The following LIPF variants were observed in gnomAD, a reference collection of about 807,000 sequenced individuals.
The protein encoded by LIPF is lipase F, gastric type.
Under a neutral mutation model 38.0 loss-of-function variants are expected in LIPF, and 25 were observed. That is an observed-to-expected ratio of 0.66 (90% CI 0.48 to 0.92). The LOEUF is 0.92. Among genes scored for constraint, LIPF ranks in the 40% least tolerant of loss-of-function variants. The pLI is 0.00. For synonymous variants in LIPF, 161 were observed against 156.2 expected (o/e 1.03, Z -0.23); for missense variants, 410 against 469.9 (o/e 0.87, Z 1.18).
In LIPF at chr10:88,669,966, G is replaced by A. The variant is rs1418522063; in HGVS notation, c.532+20G>A. 1.3e-6 allele frequency: 2 copies of A among 1,512,172 alleles called. No individual in the cohort carries two copies. Among genetic ancestry groups the A allele is most frequent in the Admixed American group, 1.7e-5 (1 of 58,098 alleles). The allele number at this position is 1,512,172 out of a possible 1,614,324, so 93.7% of individuals were successfully genotyped here. A position where few individuals can be genotyped will look rare whatever the true frequency, so the allele number is the denominator to read the frequency against. ...CCATTGGTAAGTAATGGCAGTCAAG[G>A]CCAAGTGGTTTACTTCTCATAAACA... On this transcript the variant is annotated intron_variant, in intron 5 of 9. Transcript: ENST00000238983.
rs774518100 is a variant in LIPF at position 88,667,354 on chromosome 10, T to C, written c.57T>C (p.Gly19=). The stretch of plus-strand genomic sequence containing the variant: ...TATCTGTACTGGGGACTACACATGG[T>C]TTGTTTGGAAAATTACATCCTGGAA... The part of the protein sequence containing the change: ...SLISVLGTTH[G]LFGKLHPGSP... The change falls in exon 2 of 10, where the codon GGT becomes GGC. Residue 19 remains glycine (G), a synonymous_variant. Transcript: ENST00000238983. The C allele has an allele frequency of 1.4e-5, 23 of 1,613,532 alleles. No individual in the cohort carries two copies. Among genetic ancestry groups the C allele is most frequent in the Non-Finnish European group, 1.9e-5 (23 of 1,179,554 alleles).
chr10:88,667,701 C>A lies in LIPF; in HGVS notation c.223+15C>A, dbSNP rs768801572. On this transcript the variant is annotated intron_variant, in intron 3 of 9. Transcript: ENST00000238983. ...AGGGAATACAGGTATATATAAGCTTCTTTTCTTCCTTCCTTTCTCTCTTTT... is the reference window on the plus strand; with the variant it reads ...AGGGAATACAGGTATATATAAGCTTATTTTCTTCCTTCCTTTCTCTCTTTT... 2.1e-5 allele frequency: 21 copies of A among 1,009,316 alleles called. No individual in the cohort carries two copies. Among genetic ancestry groups the A allele is most frequent in the Non-Finnish European group, 3.1e-5 (20 of 653,200 alleles). The allele number at this position is 1,009,316 out of a possible 1,614,324, so 62.5% of individuals were successfully genotyped here. A position where few individuals can be genotyped will look rare whatever the true frequency, so the allele number is the denominator to read the frequency against.
At position 88,670,253 on chromosome 10, in the gene LIPF, T is replaced by C. The variant is rs17333818; in HGVS notation, c.532+307T>C. Among the ~76,000 whole-genome samples the C allele has an allele frequency of 4.9e-3, 744 of 152,244 alleles. 2 individuals are homozygous for C. The highest frequency in any genetic ancestry group is 0.017 in the African/African-American group (702 of 41,522). ...GTTTATTCTATTCATTTGACCATAT[T>C]TATGGGGCAGGCTCCTATGATGTAT... is the stretch of plus-strand genomic sequence containing the variant. On this transcript the variant is annotated intron_variant, in intron 5 of 9. Transcript: ENST00000238983.
chr10:88,667,522 T>C (rs772019657), intron 2 of LIPF, 47 bp from the exon 3 acceptor site: 3 of 1,132,202 alleles, frequency 2.6e-6, no homozygotes, highest in Non-Finnish European at 4.0e-6. Flanking sequence ...TTATTAGATA[T>C]ATCTAAAAAT....
intron 7 of LIPF, 49 bp downstream of exon 7, chr10:88,673,783 T>C (rs775083973): frequency 1.1e-5 from 16 of 1,483,890 alleles, no homozygotes; most frequent in Non-Finnish European, 1.5e-5. Context: ...CTTTGATTAC[T>C]TGTTTCATTG....
chr10:88,671,689 A>C, intron 5 of LIPF, 140 bp from the exon 6 acceptor site: 1 of 1,137,982 alleles, frequency 8.8e-7, no homozygotes, highest in East Asian at 2.5e-5. Context: ...TCACTGAGCC[A>C]GCAGAGATGC....
intron 4 of LIPF, 133 bp from the exon 5 acceptor site, chr10:88,669,704 A>G (rs1841565399): frequency 3.5e-6 from 2 of 578,678 alleles, no homozygotes; most frequent in Admixed American, 3.3e-5. Context: ...ACATCCACTG[A>G]TGGTCTATAA....
intron 3 of LIPF, 48 bp downstream of exon 3, chr10:88,667,734 CCTT>C: frequency 1.2e-6 from 1 of 804,804 alleles, no homozygotes; most frequent in Non-Finnish European, 2.1e-6. Flanking sequence ...TTTTTCCTTT[CCTT>C]CTTTCTTCTT....
chr10:88,667,892 C>T (rs1368005482), intron 3 of LIPF, among the ~76,000 whole-genome samples: 5 of 152,170 alleles, frequency 3.3e-5, no homozygotes, highest in African/African-American at 1.2e-4. Flanking sequence ...AGGAGATCAT[C>T]ATCAAGCCAA....
intron 9 of LIPF, 69 bp downstream of exon 9, chr10:88,676,349 G>T (rs1713278744): frequency 6.2e-6 from 6 of 960,142 alleles, no homozygotes; most frequent in South Asian, 1.5e-5. Context: ...TGTTAAAGAA[G>T]AAATTATGTT....
At chr10:88,672,670 A>T (rs6586144) in intron 6 of LIPF, among the ~76,000 whole-genome samples, 12,554 of 109,330 alleles carry the variant, frequency 0.11, 613 homozygotes, top group Middle Eastern at 0.17. Flanking sequence ...ACACACACAC[A>T]CTCTCTCTCT....
chr10:88,673,036 C>T (rs1415847664), intron 6 of LIPF, among the ~76,000 whole-genome samples: 1 of 152,100 alleles, frequency 6.6e-6, no homozygotes, highest in Non-Finnish European at 1.5e-5. Context: ...CTCTAATTAG[C>T]CCAAGACCCT....
At chr10:88,667,956 C>A (rs1049053188) in intron 3 of LIPF, among the ~76,000 whole-genome samples, 9 of 152,138 alleles carry the variant, frequency 5.9e-5, no homozygotes, top group African/African-American at 1.7e-4. Flanking sequence ...GCTCAAGCTA[C>A]AACTGTACAT....
chr10:88,668,814 C>A, intron 4 of LIPF, 58 bp downstream of exon 4: 2 of 1,408,748 alleles, frequency 1.4e-6, no homozygotes, highest in Non-Finnish European at 2.0e-6. Context: ...AGGCATTTGC[C>A]CCTTCTAATC....
Position 88,665,806 on chromosome 10 carries a change from C to T in LIPF, c.-12+1315C>T, listed in dbSNP as rs1011960000. 2.0e-4 allele frequency among the ~76,000 whole-genome samples: 27 copies of T among 132,794 alleles called. No homozygotes were observed. The Admixed American group carries it at 2.5e-3, about 12-fold the overall frequency. 87.1% of individuals were successfully genotyped at this position (132,794 alleles called of 152,430 possible). On this transcript the variant is annotated intron_variant, in intron 1 of 9. Coordinates refer to ENST00000238983, the MANE Select transcript of LIPF (RefSeq NM_004190.4). ...TCTCCTGGGCTGGAGTGCAATGGTG[C>T]GATCTCCGCTCACTGCAACCTCCGC...
intron 4 of LIPF, chr10:88,669,388 T>G (rs190502195): frequency 6.3e-6 from 1 of 159,404 alleles, no homozygotes; most frequent in African/African-American, 2.4e-5. Context: ...GTGGTGATAG[T>G]GAGAGCCTTG....
chr10:88,665,708 C>A, intron 1 of LIPF: 1 of 546,912 alleles, frequency 1.8e-6, no homozygotes, highest in South Asian at 2.4e-5. Flanking sequence ...TAAAATATCA[C>A]GGTAAAAACA....
chr10:88,676,302 T>A, intron 9 of LIPF, 22 bp downstream of exon 9: 1 of 1,438,760 alleles, frequency 7.0e-7, no homozygotes, highest in Non-Finnish European at 9.7e-7. Flanking sequence ...AAAGATGGAA[T>A]TATTCACATT....
At chr10:88,669,684 AG>A in intron 4 of LIPF, 152 bp from the exon 5 acceptor site, 1 of 523,766 alleles carries the variant, frequency 1.9e-6, no homozygotes. Flanking sequence ...GCTGCCCCAA[AG>A]GGCACCTGAC....
Sources: allele counts gnomAD v4.1 joint callset (sites outside exome capture counted in the v4.1 genomes callset), GRCh38; gene constraint gnomAD v4.1.1; transcripts MANE v1.5; gene names NCBI Gene and HGNC (gene_info 2026-07-23, HGNC 2026-07-21).